CUL3: variants seen among roughly 807,000 people sequenced by gnomAD.
The protein encoded by CUL3 is cullin-3.
Under a neutral mutation model 89.1 loss-of-function variants are expected in CUL3, and 19 were observed. The ratio of observed to expected loss-of-function variants is 0.21; its 90% CI spans 0.15 to 0.31. The LOEUF (loss-of-function observed/expected upper bound fraction) is 0.31, where lower values mean the gene tolerates loss of function less well. Ranked by LOEUF, CUL3 falls within the 10% of genes least tolerant of loss-of-function variation. The pLI, the probability that CUL3 is intolerant of heterozygous loss-of-function variation, is 1.00. For missense variants in CUL3, 469 were observed against 942.3 expected (o/e 0.50, Z 6.58); for synonymous variants, 351 against 308.4 (o/e 1.14, Z -1.45).
At chr2:224,503,142 TA>T (rs1417080560) in intron 9 of CUL3, 70 bp from the exon 10 acceptor site, 1 of 1,009,726 alleles carries the variant, frequency 9.9e-7, no homozygotes, top group Non-Finnish European at 1.5e-6. Context: ...CAGAAAGAAA[TA>T]AATTATTTCA....
At chr2:224,517,090 T>C (rs1693081653) in intron 3 of CUL3, among the ~76,000 whole-genome samples, 1 of 152,218 alleles carries the variant, frequency 6.6e-6, no homozygotes, top group African/African-American at 2.4e-5. Flanking sequence ...GAATCCCTTT[T>C]ATTATAAAAA....
chr2:224,519,788 T>A (rs1693197413), intron 3 of CUL3, among the ~76,000 whole-genome samples: 1 of 152,204 alleles, frequency 6.6e-6, no homozygotes, highest in Non-Finnish European at 1.5e-5. Context: ...GATATGCACA[T>A]GATATGATTC....
chr2:224,483,628 G>A (rs990064193), intron 13 of CUL3, among the ~76,000 whole-genome samples: 2 of 152,046 alleles, frequency 1.3e-5, no homozygotes, highest in African/African-American at 4.8e-5. Context: ...ATACATGAAC[G>A]TACACGAACA....
At position 224,514,703 on chromosome 2, in the gene CUL3, G is replaced by C; in HGVS notation, c.448C>G (p.Gln150Glu). The C allele has an allele frequency of 6.2e-7, 1 of 1,613,246 alleles. No individual in the cohort carries two copies. Among genetic ancestry groups the C allele is most frequent in the Non-Finnish European group, 8.5e-7 (1 of 1,179,398 alleles). ...YNLGLIIFRD[Q>E]VVRYGCIRDH... The stretch of plus-strand genomic sequence containing the variant: ...CTAATACACCCATAACGTACAACTT[G>C]ATCTCGAAAAATAATTAATCCCAAA... Residue 150 changes from glutamine (Q) to glutamate (E), a missense_variant, in exon 4 of 16, where the codon CAA becomes GAA. By Grantham distance (29) the Gln-to-Glu change is conservative. Around this residue, in one of 4 missense-constraint regions of CUL3, gnomAD observed 370 missense variants for 733.2 expected, o/e 0.50. Transcript: ENST00000264414.
At chr2:224,584,432 C>T (rs1323409815) in intron 1 of CUL3, among the ~76,000 whole-genome samples, 3 of 152,124 alleles carry the variant, frequency 2.0e-5, no homozygotes, top group Non-Finnish European at 4.4e-5. Flanking sequence ...ACTGTCACTG[C>T]GTCGGGGGCA....
At chr2:224,502,337 A>G (rs1278645844) in intron 10 of CUL3, among the ~76,000 whole-genome samples, 5 of 152,238 alleles carry the variant, frequency 3.3e-5, no homozygotes, top group African/African-American at 9.6e-5. Context: ...GTTGAAAATC[A>G]GAGTAAAAAA....
At chr2:224,513,931 G>C (rs1300129882) in intron 4 of CUL3, among the ~76,000 whole-genome samples, 3 of 152,200 alleles carry the variant, frequency 2.0e-5, no homozygotes, top group Non-Finnish European at 4.4e-5. Flanking sequence ...GGGAGAGAGG[G>C]AGATAGGCAG....
At chr2:224,492,567 T>G (rs1368214139) in intron 13 of CUL3, among the ~76,000 whole-genome samples, 2 of 152,196 alleles carry the variant, frequency 1.3e-5, no homozygotes, top group Non-Finnish European at 2.9e-5. Context: ...AAGTCCAAGG[T>G]ACAGACTACC....
At chr2:224,564,774 C>T (rs1213513753) in intron 1 of CUL3, among the ~76,000 whole-genome samples, 2 of 152,154 alleles carry the variant, frequency 1.3e-5, no homozygotes, top group Non-Finnish European at 2.9e-5. Flanking sequence ...CCACCTGCTA[C>T]ACATCTCCAA....
chr2:224,512,601 T>G (rs1692873814), intron 5 of CUL3, among the ~76,000 whole-genome samples: 1 of 152,230 alleles, frequency 6.6e-6, no homozygotes, highest in African/African-American at 2.4e-5. Flanking sequence ...TTTTAGCAAT[T>G]TAGTTGGTTT....
chr2:224,517,844 TTA>T (rs1405517306), intron 3 of CUL3, among the ~76,000 whole-genome samples: 1 of 152,214 alleles, frequency 6.6e-6, no homozygotes, highest in Non-Finnish European at 1.5e-5. Context: ...TTACCTACAC[TTA>T]ATTCAAACCA....
intron 1 of CUL3, among the ~76,000 whole-genome samples, chr2:224,578,531 C>T (rs1029469753): frequency 1.3e-5 from 2 of 152,030 alleles, no homozygotes; most frequent in Non-Finnish European, 2.9e-5. Flanking sequence ...GAATATACAT[C>T]ATTGTTATAA....
In CUL3 at chr2:224,478,287, G is replaced by A. The variant is rs374533358; in HGVS notation, c.2088C>T (p.Asp696=). 108 of 1,613,522 alleles carry A rather than the reference G, an allele frequency of 6.7e-5. No individual in the cohort carries two copies. In the Middle Eastern group the frequency reaches 1.2e-3, roughly 17 times the overall value. The part of the protein sequence containing the change: ...PERKETRQKV[D]DDRKHEIEAA... ...CTTCTATCTCATGTTTTCTGTCGTC[G>A]TCTACTTTCTGCCTTGTTTCTTTCC... Residue 696 remains aspartate (D), a synonymous_variant, in exon 15 of 16, where the codon GAC becomes GAT. Coordinates refer to ENST00000264414, the MANE Select transcript of CUL3 (RefSeq NM_003590.5).
Position 224,576,840 on chromosome 2 carries a change from CACTT to C in CUL3, c.66+8100_66+8103del, listed in dbSNP as rs779408661. ...TTCAATAAAGTTACAAGAGGTTACA[CACTT>C]ACTCTAAGGATTACATGTGAATCAT... On this transcript the variant is annotated intron_variant, in intron 1 of 15. Coordinates refer to ENST00000264414, the MANE Select transcript of CUL3 (RefSeq NM_003590.5). Among the ~76,000 whole-genome samples the C allele has an allele frequency of 5.3e-4, 81 of 152,298 alleles. 1 individual carries two copies. The Middle Eastern group carries it at 0.01, about 19-fold the overall frequency.
At position 224,543,756 on chromosome 2, in the gene CUL3, G is replaced by A. The variant is rs369165528; in HGVS notation, c.265-8115C>T. ...CCAGCACTCTGTGAGGTTGACGTGGGCACAATGGCTTGAGCTCAGGAATTC... is the reference window on the plus strand; with the variant it reads ...CCAGCACTCTGTGAGGTTGACGTGGACACAATGGCTTGAGCTCAGGAATTC... On this transcript the variant is annotated intron_variant, in intron 2 of 15. Transcript: ENST00000264414. Among the ~76,000 whole-genome samples the A allele has an allele frequency of 3.0e-4, 45 of 152,228 alleles. No homozygotes were observed. In the East Asian group the frequency reaches 7.0e-3, roughly 24 times the overall value.
rs2106152689 is a variant in CUL3 at position 224,482,094 on chromosome 2, A to G, written c.1843-16T>C. 1 of 1,574,374 alleles carries G rather than the reference A, an allele frequency of 6.4e-7. No individual in the cohort carries two copies. The highest frequency in any genetic ancestry group is 2.3e-5 in the East Asian group (1 of 43,482). ...GCTGAATTTCCTGAAATTTCATCAG[A>G]TTAACATAATTAGACTTTTTGAAAG... On this transcript the variant is annotated splice_polypyrimidine_tract_variant and intron_variant, in intron 13 of 15. Coordinates refer to ENST00000264414, the MANE Select transcript of CUL3 (RefSeq NM_003590.5).
chr2:224,516,986 C>T (rs1037457940), intron 3 of CUL3, among the ~76,000 whole-genome samples: 1 of 152,136 alleles, frequency 6.6e-6, no homozygotes, highest in African/African-American at 2.4e-5. Flanking sequence ...CAACCTTTTC[C>T]TACTGTCATA....
chr2:224,509,531 T>A (rs1692733718), intron 6 of CUL3, among the ~76,000 whole-genome samples: 1 of 152,222 alleles, frequency 6.6e-6, no homozygotes, highest in African/African-American at 2.4e-5. Context: ...AGCAGGATTT[T>A]AAAATTTAAT....
At chr2:224,573,535 C>T (rs953351092) in intron 1 of CUL3, among the ~76,000 whole-genome samples, 1 of 152,084 alleles carries the variant, frequency 6.6e-6, no homozygotes. Context: ...CTTAAGCTTA[C>T]GAAGGAAGCT....
Sources: allele counts gnomAD v4.1 joint callset (sites outside exome capture counted in the v4.1 genomes callset), GRCh38; gene constraint gnomAD v4.1.1; regional missense constraint gnomAD v4.1.1; transcripts MANE v1.5; gene names NCBI Gene and HGNC (gene_info 2026-07-23, HGNC 2026-07-21).